The following PRKCE variants were observed in gnomAD, a reference collection of about 807,000 sequenced individuals.
PRKCE encodes the protein protein kinase C epsilon.
Under a neutral mutation model 85.4 loss-of-function variants are expected in PRKCE, and 16 were observed. The observed-to-expected ratio is 0.19, with a 90% CI of 0.13 to 0.28. The LOEUF is 0.28. Among genes scored for constraint, PRKCE ranks in the 10% least tolerant of loss-of-function variants. The pLI is 1.00. For missense variants in PRKCE, 573 were observed against 975.2 expected, an observed-to-expected ratio of 0.59 and a Z score of 5.49; for synonymous variants, 388 against 371.5, an observed-to-expected ratio of 1.04 and a Z score of -0.51.
intron 6 of PRKCE, among the ~76,000 whole-genome samples, chr2:45,986,780 C>T (rs1238178993): frequency 1.3e-5 from 2 of 152,072 alleles, no homozygotes; most frequent in African/African-American, 2.4e-5. Flanking sequence ...TGTGAGCTTC[C>T]CGGCACCCCT....
At chr2:45,666,485 C>G (rs112799039) in intron 1 of PRKCE, among the ~76,000 whole-genome samples, 606 of 151,806 alleles carry the variant, frequency 4.0e-3, no homozygotes, top group African/African-American at 0.014. Flanking sequence ...GGGTAGGAAC[C>G]TTCTGCTTGA....
intron 1 of PRKCE, among the ~76,000 whole-genome samples, chr2:45,787,585 C>G (rs994457064): frequency 1.3e-5 from 2 of 152,178 alleles, no homozygotes; most frequent in Admixed American, 6.5e-5. Flanking sequence ...GGTGACAAGA[C>G]TCATGCTATG....
At chr2:45,866,508 C>T (rs950040685) in intron 2 of PRKCE, among the ~76,000 whole-genome samples, 3 of 151,944 alleles carry the variant, frequency 2.0e-5, no homozygotes, top group Non-Finnish European at 4.4e-5. Flanking sequence ...GGGGTTTCAC[C>T]GTGTTAGCCA....
intron 1 of PRKCE, among the ~76,000 whole-genome samples, chr2:45,826,006 GC>G: frequency 6.6e-6 from 1 of 152,312 alleles, no homozygotes; most frequent in East Asian, 1.9e-4. Flanking sequence ...CAGAAGCAGG[GC>G]TTTTATAAGT....
intron 1 of PRKCE, among the ~76,000 whole-genome samples, chr2:45,661,275 C>G (rs368309481): frequency 6.6e-6 from 1 of 151,822 alleles, no homozygotes; most frequent in Admixed American, 6.6e-5. Context: ...CTCTGCCTCC[C>G]GGGTTCAAGC....
intron 11 of PRKCE, among the ~76,000 whole-genome samples, chr2:46,137,837 T>C (rs961090067): frequency 1.3e-5 from 2 of 152,014 alleles, no homozygotes; most frequent in South Asian, 2.1e-4. Flanking sequence ...ATCTCCAGCA[T>C]ACCAGCATAT....
intron 1 of PRKCE, among the ~76,000 whole-genome samples, chr2:45,688,666 T>A (rs1357518796): frequency 6.6e-6 from 1 of 152,210 alleles, no homozygotes; most frequent in Non-Finnish European, 1.5e-5. Flanking sequence ...GACCAAGTAT[T>A]TAGACTCTCC....
chr2:45,779,621 A>G (rs1686029533), intron 1 of PRKCE, among the ~76,000 whole-genome samples: 1 of 151,042 alleles, frequency 6.6e-6, no homozygotes, highest in Non-Finnish European at 1.5e-5. Context: ...AAAAAAAAAG[A>G]GAAAATCTCC....
At chr2:45,766,440 T>A (rs1051647185) in intron 1 of PRKCE, among the ~76,000 whole-genome samples, 1 of 152,198 alleles carries the variant, frequency 6.6e-6, no homozygotes, top group Non-Finnish European at 1.5e-5. Context: ...TCTTCTTTTT[T>A]CCCAGTCTGC....
rs1227697953 is a variant in PRKCE, at chr2:46,001,585, A to G, written c.966+39A>G. 1 of 1,584,178 alleles carries G rather than the reference A, an allele frequency of 6.3e-7. No individual in the cohort carries two copies. The highest frequency in any genetic ancestry group is 8.5e-7 in the Non-Finnish European group (1 of 1,170,616). ...TGGTGGTGTTGCTGGAGCCCTTTTC[A>G]GGCTAGCATTTCTGTGCTGACTTCC... On this transcript the variant is annotated intron_variant, in intron 7 of 14. Coordinates refer to ENST00000306156, the MANE Select transcript of PRKCE (RefSeq NM_005400.3). The surrounding 1 kb of genome is among the most constrained non-coding windows in gnomAD (Gnocchi z 4.4).
At chr2:46,150,431 T>A (rs140329006) in intron 12 of PRKCE, among the ~76,000 whole-genome samples, 1 of 152,196 alleles carries the variant, frequency 6.6e-6, no homozygotes, top group East Asian at 1.9e-4. Context: ...GGAATCATGA[T>A]GAACAATAGA....
intron 1 of PRKCE, chr2:45,675,548 G>C (rs987180579): frequency 6.6e-6 from 1 of 152,128 alleles, no homozygotes; most frequent in African/African-American, 2.4e-5. Flanking sequence ...ATTTTAAACC[G>C]GTCTGACGAG....
intron 1 of PRKCE, among the ~76,000 whole-genome samples, chr2:45,828,155 G>A (rs1690106092): frequency 6.6e-6 from 1 of 152,148 alleles, no homozygotes; most frequent in Admixed American, 6.5e-5. Flanking sequence ...AACATTGTCT[G>A]GAATATAAAA....
chr2:45,732,657 T>C (rs1681681542), intron 1 of PRKCE, among the ~76,000 whole-genome samples: 2 of 152,168 alleles, frequency 1.3e-5, no homozygotes, highest in Non-Finnish European at 2.9e-5. Flanking sequence ...CAGCTACACA[T>C]AGCTTTCTAT....
At position 45,786,110 on chromosome 2, in the gene PRKCE, A is replaced by G. The variant is rs939323333; in HGVS notation, c.349-56890A>G. On this transcript the variant is annotated intron_variant, in intron 1 of 14. Transcript: ENST00000306156. The surrounding 1 kb of genome is among the most constrained non-coding windows in gnomAD (Gnocchi z 5.3). Reference sequence around the variant, plus strand: ...CAGGGACCTATGGCCTTCCATAGGCACCTGCTGGGGATCTTTATTTGAAAT... The same window carrying G: ...CAGGGACCTATGGCCTTCCATAGGCGCCTGCTGGGGATCTTTATTTGAAAT... Among the ~76,000 whole-genome samples, 2 of 152,082 alleles carry G rather than the reference A, an allele frequency of 1.3e-5. No individual in the cohort carries two copies. The highest frequency in any genetic ancestry group is 4.8e-5 in the African/African-American group (2 of 41,416).
chr2:45,826,968 G>A (rs1335525416), intron 1 of PRKCE, among the ~76,000 whole-genome samples: 2 of 152,102 alleles, frequency 1.3e-5, no homozygotes, highest in East Asian at 1.9e-4. Context: ...CGTCCTCATG[G>A]GTGCCTGAAG....
intron 10 of PRKCE, among the ~76,000 whole-genome samples, chr2:46,018,262 C>A (rs1259474367): frequency 6.6e-6 from 1 of 152,174 alleles, no homozygotes; most frequent in Non-Finnish European, 1.5e-5. Context: ...GCTTACTGAG[C>A]ACCTGCTATG....
At chr2:45,858,651 G>T (rs930849698) in intron 2 of PRKCE, among the ~76,000 whole-genome samples, 1 of 152,086 alleles carries the variant, frequency 6.6e-6, no homozygotes, top group Non-Finnish European at 1.5e-5. Context: ...CTTAAATTTT[G>T]TATTATTTTC....
intron 14 of PRKCE, among the ~76,000 whole-genome samples, chr2:46,177,457 G>A (rs1391467961): frequency 2.6e-5 from 4 of 152,148 alleles, no homozygotes; most frequent in Non-Finnish European, 5.9e-5. Context: ...ACCTACAGAG[G>A]AATCTTTCCT....
Sources: allele counts gnomAD v4.1 joint callset (sites outside exome capture counted in the v4.1 genomes callset), GRCh38; gene constraint gnomAD v4.1.1; non-coding constraint Gnocchi (gnomAD v3.1); transcripts MANE v1.5; gene names NCBI Gene and HGNC (gene_info 2026-07-23, HGNC 2026-07-21).